TP53I13: variants seen among roughly 807,000 people sequenced by gnomAD.
TP53I13 encodes tumor protein p53-inducible protein 13.
Under a neutral mutation model 39.1 loss-of-function variants are expected in TP53I13, and 27 were observed. The ratio of observed to expected loss-of-function variants is 0.69; its 90% CI spans 0.51 to 0.95. TP53I13 has a LOEUF of 0.95. TP53I13 is among the 40% of genes least tolerant of loss of function. The pLI is 0.00. For missense variants in TP53I13, 544 were observed against 520.4 expected, an observed-to-expected ratio of 1.05 and a Z score of -0.44; for synonymous variants, 230 against 224.6, an observed-to-expected ratio of 1.02 and a Z score of -0.22.
At position 29,571,938 on chromosome 17, in the gene TP53I13, A is replaced by C. The variant is rs2032946702; in HGVS notation, c.394A>C (p.Arg132=). ...PAWAAHWLMR[R]RRRKQRKKKA... Reference sequence around the variant, plus strand: ...CTGGGCTGCCCACTGGCTGATGAGGAGGCGGAGGAGGAAGCAGAGGAAGAA... The same window carrying C: ...CTGGGCTGCCCACTGGCTGATGAGGCGGCGGAGGAGGAAGCAGAGGAAGAA... The change falls in exon 5 of 7, where the codon AGG becomes CGG. Residue 132 remains arginine, a synonymous_variant. Transcript: ENST00000301057. 3 of 1,612,740 alleles carry C rather than the reference A, an allele frequency of 1.9e-6. No homozygotes were observed. The South Asian group carries it at 3.3e-5, about 18-fold the overall frequency.
chr17:29,575,364 C>T, downstream of TP53I13: 1 of 1,613,778 alleles, frequency 6.2e-7, no homozygotes, highest in Non-Finnish European at 8.5e-7. This position sits in a 1 kb window ranked among gnomAD's most constrained non-coding sequence, Gnocchi z 5.5. Context: ...TTCAAGATGA[C>T]ATCCTCTGTG....
chr17:29,568,951 G>A lies in TP53I13; in HGVS notation c.73-67G>A. 1 of 1,593,192 alleles carries A rather than the reference G, an allele frequency of 6.3e-7. No homozygotes were observed. Among genetic ancestry groups the A allele is most frequent in the East Asian group, 2.3e-5 (1 of 44,238 alleles). On this transcript the variant is annotated intron_variant, in intron 1 of 6. Transcript: ENST00000301057. The surrounding 1 kb of genome is among the most constrained non-coding windows in gnomAD (Gnocchi z 4.5). ...CGGAGTTCTTCCGCTGGCGGGCTGG[G>A]CCTGGGGAGAGAGAGGGCAGGGCCT...
At chr17:29,566,402 C>A (rs765251819), upstream of TP53I13, 4 of 1,611,742 alleles carry the variant, frequency 2.5e-6, no homozygotes, top group Non-Finnish European at 2.5e-6. Context: ...TGGAAGATGA[C>A]CGGGTAGTAG....
chr17:29,566,911 CCGAGAAGGG>C (rs769564086), upstream of TP53I13: 12 of 1,488,108 alleles, frequency 8.1e-6, no homozygotes, highest in South Asian at 1.3e-4. Flanking sequence ...GCCGAGCAGG[CCGAGAAGGG>C]CGAGCACGGC....
chr17:29,572,150 T>A lies in TP53I13; in HGVS notation c.522T>A (p.Ala174=). The stretch of plus-strand genomic sequence containing the variant: ...CTCTCTCCTCTCCTTAGGCCCTGGC[T>A]CTGGCCTTTGCTCTGCGGAGCTGGC... The part of the protein sequence containing the change: ...LCRRGCVQAL[A]LAFALRSWRP... The change falls in exon 6 of 7, where the codon GCT becomes GCA. Residue 174 remains alanine (A), a synonymous_variant. Coordinates refer to ENST00000301057, the MANE Select transcript of TP53I13 (RefSeq NM_138349.4). 6.2e-7 allele frequency: 1 copy of A among 1,608,498 alleles called. No homozygotes were observed. The highest frequency in any genetic ancestry group is 1.1e-5 in the South Asian group (1 of 90,984).
chr17:29,571,842 T>TA lies in TP53I13; in HGVS notation c.313-14dup. The stretch of plus-strand genomic sequence containing the variant: ...CCACCTTCCTCGTAGCTCTAACAGT[T>TA]ACCTCCTCTCGTAGCCCCTGGTGCT... On this transcript the variant is annotated splice_polypyrimidine_tract_variant and intron_variant, in intron 4 of 6. Transcript: ENST00000301057. 1 of 1,613,296 alleles carries TA rather than the reference T, an allele frequency of 6.2e-7. No homozygotes were observed. Among genetic ancestry groups the TA allele is most frequent in the Non-Finnish European group, 8.5e-7 (1 of 1,179,930 alleles).
chr17:29,577,057 C>T, downstream of TP53I13: 1 of 1,607,112 alleles, frequency 6.2e-7, no homozygotes. Flanking sequence ...TCTCAGGTCA[C>T]CACTGGCAGG....
the TP53I13 span, among the ~76,000 whole-genome samples, chr17:29,578,547 G>C: frequency 6.6e-6 from 1 of 152,236 alleles, no homozygotes; most frequent in Non-Finnish European, 1.5e-5. Context: ...CAAGGTGGGA[G>C]AGAAGGGACC....
Position 29,571,702 on chromosome 17 carries a change from A to G in TP53I13, c.295A>G (p.Ser99Gly). 1.2e-6 allele frequency: 2 copies of G among 1,614,074 alleles called. No individual in the cohort carries two copies. Among genetic ancestry groups the G allele is most frequent in the Non-Finnish European group, 1.7e-6 (2 of 1,180,020 alleles). ...MANPSLTPDFSLTQDRPLVLT... is the reference protein window; with the variant it reads ...MANPSLTPDFGLTQDRPLVLT... The stretch of plus-strand genomic sequence containing the variant: ...TAACCCTTCCCTCACCCCTGACTTC[A>G]GCCTCACGCAGGATCGGGTATGTAG... Residue 99 changes from serine (S) to glycine (G), a missense_variant, in exon 4 of 7, where the codon AGC (serine) becomes GGC (glycine). Physicochemically the swap from Ser to Gly is moderately conservative, Grantham distance 56. Transcript: ENST00000301057.
chr17:29,578,405 T>C, the TP53I13 span: 2 of 1,601,652 alleles, frequency 1.2e-6, no homozygotes, highest in East Asian at 2.2e-5. Context: ...TGTTGTCAGA[T>C]GCATCGGCTC....
At chr17:29,578,450 G>A in the TP53I13 span, 13 of 1,346,876 alleles carry the variant, frequency 9.7e-6, no homozygotes, top group African/African-American at 1.0e-4. Context: ...CATGTTGTGA[G>A]CCTTGGGGAA....
At chr17:29,575,229 G>A (rs2150821899), downstream of TP53I13, 6 of 1,566,560 alleles carry the variant, frequency 3.8e-6, no homozygotes, top group Non-Finnish European at 3.5e-6. The surrounding 1 kb of genome is among the most constrained non-coding windows in gnomAD (Gnocchi z 5.5). Context: ...CATGCTCTCT[G>A]CAACACCCTA....
the TP53I13 span, chr17:29,581,368 C>T: frequency 1.2e-6 from 2 of 1,612,680 alleles, no homozygotes; most frequent in East Asian, 2.2e-5. This position sits in a 1 kb window ranked among gnomAD's most constrained non-coding sequence, Gnocchi z 4.8. Flanking sequence ...GATGTAATGC[C>T]CATTCTTGTG....
In TP53I13 at chr17:29,569,076, T is replaced by G; in HGVS notation, c.131T>G (p.Leu44Arg). The stretch of plus-strand genomic sequence containing the variant: ...CATTGTCCCGAGAGCCTGTGGCCTC[T>G]GCCTCCGCAGGTAGGAGCCCTGGAG... ...GAHCPESLWP[L>R]PPQVSPRVTY... The change falls in exon 2 of 7, where the codon CTG (leucine) becomes CGG (arginine). Residue 44 changes from leucine (L) to arginine (R), a missense_variant. By Grantham distance (102) the Leu-to-Arg change is moderately radical (BLOSUM62 -2). Transcript: ENST00000301057. 6.3e-7 allele frequency: 1 copy of G among 1,597,576 alleles called. No individual in the cohort carries two copies.
the TP53I13 span, chr17:29,578,885 A>C: frequency 6.4e-7 from 1 of 1,562,592 alleles, no homozygotes. Flanking sequence ...GGGAGATGGC[A>C]CCCCAGATGC....
the TP53I13 span, chr17:29,578,964 C>T: frequency 2.5e-6 from 4 of 1,613,954 alleles, no homozygotes; most frequent in Non-Finnish European, 2.5e-6. Flanking sequence ...CCATATACCT[C>T]TGAGACATGC....
At chr17:29,576,609 C>A, downstream of TP53I13, 3 of 1,614,056 alleles carry the variant, frequency 1.9e-6, no homozygotes, top group Non-Finnish European at 8.5e-7. Flanking sequence ...TAGCCAGGGC[C>A]TTCTTCAGCT....
chr17:29,566,378 G>T (rs1456776753), upstream of TP53I13: 7 of 1,610,896 alleles, frequency 4.3e-6, no homozygotes, highest in South Asian at 6.6e-5. Flanking sequence ...GGGCAACCGT[G>T]GTGGCCGCGG....
downstream of TP53I13, chr17:29,576,811 C>T (rs758686079): frequency 1.6e-4 from 253 of 1,575,152 alleles, 1 homozygote; most frequent in Non-Finnish European, 1.7e-4. Flanking sequence ...TGGGCCTCAG[C>T]GAAGGCCTGG....
Sources: allele counts gnomAD v4.1 joint callset (sites outside exome capture counted in the v4.1 genomes callset), GRCh38; gene constraint gnomAD v4.1.1; non-coding constraint Gnocchi (gnomAD v3.1); transcripts MANE v1.5; gene names NCBI Gene and HGNC (gene_info 2026-07-23, HGNC 2026-07-21).